NEGR1: variants seen among roughly 807,000 people sequenced by gnomAD.
NEGR1 encodes the protein neuronal growth regulator 1.
NEGR1 carries 10 observed loss-of-function variants against 40.9 expected under a neutral mutation model. That is an observed-to-expected ratio of 0.24 (90% CI 0.15 to 0.42). NEGR1 has a LOEUF of 0.42. Among genes scored for constraint, NEGR1 ranks in the 10% least tolerant of loss-of-function variants. The pLI is 1.00. For synonymous variants in NEGR1, 185 were observed against 166.8 expected, an observed-to-expected ratio of 1.11 and a Z score of -0.84; for missense variants, 352 against 438.9, an observed-to-expected ratio of 0.80 and a Z score of 1.77.
At chr1:71,593,009 AT>A (rs1413901771) in intron 5 of NEGR1, 41 bp from the exon 6 acceptor site, 1 of 1,464,812 alleles carries the variant, frequency 6.8e-7, no homozygotes, top group Non-Finnish European at 9.5e-7. Context: ...TGTATTGTGA[AT>A]ACCAGTTTCA....
chr1:72,276,435 T>C (rs1252294206), intron 1 of NEGR1, among the ~76,000 whole-genome samples: 3 of 152,260 alleles, frequency 2.0e-5, no homozygotes, highest in East Asian at 1.9e-4. Context: ...ATAGTTATTT[T>C]TGGCTCAGTC....
At chr1:71,938,097 T>G (rs1645925266) in intron 1 of NEGR1, among the ~76,000 whole-genome samples, 1 of 152,120 alleles carries the variant, frequency 6.6e-6, no homozygotes, top group Admixed American at 6.6e-5. Context: ...CAAAGTTTTT[T>G]AAGATACACA....
intron 1 of NEGR1, among the ~76,000 whole-genome samples, chr1:72,041,800 A>T (rs2100457966): frequency 6.8e-6 from 1 of 147,224 alleles, no homozygotes; most frequent in African/African-American, 2.5e-5. Flanking sequence ...TATTTCTTAA[A>T]TATATATGTA....
At chr1:71,710,383 C>A (rs1412827417) in intron 3 of NEGR1, among the ~76,000 whole-genome samples, 2 of 152,166 alleles carry the variant, frequency 1.3e-5, no homozygotes, top group Non-Finnish European at 2.9e-5. Flanking sequence ...GGCATACACA[C>A]AAAAGAAAGA....
chr1:71,732,256 C>T (rs991328947), intron 3 of NEGR1, among the ~76,000 whole-genome samples: 24 of 151,978 alleles, frequency 1.6e-4, no homozygotes, highest in African/African-American at 5.5e-4. Context: ...TGCAGTGAGC[C>T]GACATTGCAA....
At chr1:71,652,737 C>T (rs575964579) in intron 4 of NEGR1, among the ~76,000 whole-genome samples, 12 of 151,902 alleles carry the variant, frequency 7.9e-5, no homozygotes, top group African/African-American at 1.2e-4. Context: ...TGGTGGTGTG[C>T]GCTGTAGTCC....
At chr1:72,251,826 T>C (rs376008350) in intron 1 of NEGR1, among the ~76,000 whole-genome samples, 5 of 152,178 alleles carry the variant, frequency 3.3e-5, no homozygotes, top group South Asian at 2.1e-4. Context: ...ATTTTTCTTA[T>C]GATATTTCTT....
chr1:71,765,803 T>C (rs1656101342), intron 3 of NEGR1, among the ~76,000 whole-genome samples: 2 of 152,200 alleles, frequency 1.3e-5, no homozygotes, highest in Admixed American at 1.3e-4. Flanking sequence ...CTTAGATCAC[T>C]TGTTTAAAGT....
intron 1 of NEGR1, among the ~76,000 whole-genome samples, chr1:72,178,342 C>T (rs1004405068): frequency 6.6e-6 from 1 of 151,746 alleles, no homozygotes; most frequent in Non-Finnish European, 1.5e-5. Context: ...TTTATTGGTC[C>T]ACTTCTTCTC....
rs371627695 is a variant in NEGR1, at chr1:71,972,677, T to C, written c.177-37366A>G. ...ACGATTTTATTTCCTGCCCCACGGA[T>C]ACTATATATTCCACTAGTCCCTATT... On this transcript the variant is annotated intron_variant, in intron 1 of 6. Coordinates refer to ENST00000357731, the MANE Select transcript of NEGR1 (RefSeq NM_173808.3). Among the ~76,000 whole-genome samples the C allele has an allele frequency of 3.9e-5, 6 of 152,302 alleles. No individual in the cohort carries two copies. In the South Asian group the frequency reaches 1.2e-3, roughly 32 times the overall value.
At chr1:71,879,137 A>G (rs1185547136) in intron 2 of NEGR1, among the ~76,000 whole-genome samples, 1 of 150,596 alleles carries the variant, frequency 6.6e-6, no homozygotes, top group East Asian at 1.9e-4. Context: ...CTGTCTCGAA[A>G]AAAAAAAAAA....
At position 71,549,421 on chromosome 1, in the gene NEGR1, C is replaced by G. The variant is rs77580624; in HGVS notation, c.940+43396G>C. On this transcript the variant is annotated intron_variant, in intron 6 of 6. Transcript: ENST00000357731. ...TCCATGCTTTGGCACAGAAGCCCCACGATCAAAATTGCTCAAAATTTCATT... is the reference window on the plus strand; with the variant it reads ...TCCATGCTTTGGCACAGAAGCCCCAGGATCAAAATTGCTCAAAATTTCATT... Among the ~76,000 whole-genome samples, 173 of 151,736 alleles carry G rather than the reference C, an allele frequency of 1.1e-3. 6 individuals carry two copies. In the East Asian group the frequency reaches 0.033, roughly 29 times the overall value.
intron 1 of NEGR1, among the ~76,000 whole-genome samples, chr1:72,012,816 TACAC>T (rs147632951): frequency 1.4e-5 from 2 of 145,474 alleles, no homozygotes; most frequent in East Asian, 4.2e-4. Flanking sequence ...TATATATATA[TACAC>T]ACACACACAC....
chr1:71,815,936 T>C (rs1658189819), intron 2 of NEGR1, among the ~76,000 whole-genome samples: 1 of 152,094 alleles, frequency 6.6e-6, no homozygotes, highest in South Asian at 2.1e-4. Flanking sequence ...CATAGAACTT[T>C]GCTACTTTTC....
chr1:71,995,595 G>A (rs908462057), intron 1 of NEGR1, among the ~76,000 whole-genome samples: 3 of 152,078 alleles, frequency 2.0e-5, no homozygotes, highest in African/African-American at 7.2e-5. Flanking sequence ...CTATTCCGAA[G>A]TATCACTACA....
At chr1:71,565,499 T>C (rs1648590415) in intron 6 of NEGR1, among the ~76,000 whole-genome samples, 1 of 152,156 alleles carries the variant, frequency 6.6e-6, no homozygotes, top group Non-Finnish European at 1.5e-5. Context: ...GCCAAACTGG[T>C]GTTGGTCTCT....
chr1:71,492,911 A>G (rs1476666527), intron 6 of NEGR1, among the ~76,000 whole-genome samples: 1 of 152,096 alleles, frequency 6.6e-6, no homozygotes, highest in East Asian at 1.9e-4. Context: ...CAAATTTGCT[A>G]TGTTCAAGAT....
intron 3 of NEGR1, among the ~76,000 whole-genome samples, chr1:71,730,045 T>C (rs1654806548): frequency 6.6e-6 from 1 of 152,022 alleles, no homozygotes; most frequent in East Asian, 1.9e-4. Context: ...GTCATTGAAA[T>C]AGGGGATCAG....
chr1:71,655,251 G>A (rs1039861233), intron 4 of NEGR1, among the ~76,000 whole-genome samples: 1 of 152,096 alleles, frequency 6.6e-6, no homozygotes, highest in African/African-American at 2.4e-5. Context: ...TTACAAAAAT[G>A]TTAAAGAGCT....
Sources: allele counts gnomAD v4.1 joint callset (sites outside exome capture counted in the v4.1 genomes callset), GRCh38; gene constraint gnomAD v4.1.1; transcripts MANE v1.5; gene names NCBI Gene and HGNC (gene_info 2026-07-23, HGNC 2026-07-21).